ZNF117: variants seen among roughly 807,000 people sequenced by gnomAD.
ZNF117 encodes zinc finger protein 117, also known as Krueppel-related zinc finger protein.
ZNF117 carries 37 observed loss-of-function variants against 41.2 expected under a neutral mutation model. That is an observed-to-expected ratio of 0.90 (90% confidence interval 0.69 to 1.18). ZNF117 has a LOEUF of 1.18. Ranked by LOEUF, ZNF117 falls within the 50% of genes most tolerant of loss-of-function variation. ZNF117 has a pLI of 0.00. For missense variants in ZNF117, 546 were observed against 557.5 expected (o/e 0.98, Z 0.21); for synonymous variants, 186 against 186.6 (o/e 1.00, Z 0.02).
chr7:64,988,361 AT>A (rs1407334899), intron 1 of ZNF117, among the ~76,000 whole-genome samples: 6 of 152,228 alleles, frequency 3.9e-5, no homozygotes, highest in African/African-American at 1.4e-4. Context: ...AAACCACCAG[AT>A]TATCTCAATA....
exon 3 of ZNF117, chr7:64,975,237 TA>T (rs1785857145): frequency 6.6e-6 from 1 of 151,924 alleles, no homozygotes; most frequent in Admixed American, 6.6e-5. Flanking sequence ...AAAGTTTAAT[TA>T]AAAAATTAAG....
intron 2 of ZNF117, among the ~76,000 whole-genome samples, chr7:64,979,737 T>C (rs918026429): frequency 1.3e-5 from 2 of 151,892 alleles, no homozygotes; most frequent in African/African-American, 4.8e-5. Context: ...TATAAATGAG[T>C]TACGTGTGTG....
At chr7:64,976,656 C>T (rs909994646) in exon 3 of ZNF117, 7 of 255,010 alleles carry the variant, frequency 2.7e-5, no homozygotes, top group Admixed American at 1.1e-4. Context: ...CTGGGAGTTT[C>T]CTCCAGTATA....
intron 2 of ZNF117, 23 bp from the exon 4 acceptor site, chr7:64,979,559 ACTACT>A (rs1248329048): frequency 1.4e-6 from 2 of 1,444,530 alleles, no homozygotes; most frequent in Non-Finnish European, 1.8e-6. Context: ...AAAGTAACAA[ACTACT>A]TCACTTGCTC....
At chr7:64,984,607 G>C (rs997645421), upstream of ZNF117, among the ~76,000 whole-genome samples, 3 of 152,002 alleles carry the variant, frequency 2.0e-5, no homozygotes, top group South Asian at 6.2e-4. Flanking sequence ...GGATAAATTA[G>C]TAAGCATGTC....
intron 1 of ZNF117, among the ~76,000 whole-genome samples, chr7:64,989,098 A>T (rs1429833275): frequency 6.6e-6 from 1 of 151,614 alleles, no homozygotes; most frequent in Non-Finnish European, 1.5e-5. Context: ...CAACTATTTT[A>T]AAATTCATAT....
upstream of ZNF117, among the ~76,000 whole-genome samples, chr7:64,982,522 T>C (rs572965461): frequency 1.2e-4 from 19 of 152,324 alleles, no homozygotes; most frequent in South Asian, 6.2e-4. Context: ...AAACTTCAGA[T>C]CTCGTTAATG....
chr7:64,984,903 G>A (rs1412387815), upstream of ZNF117, among the ~76,000 whole-genome samples: 1 of 152,096 alleles, frequency 6.6e-6, no homozygotes, highest in Admixed American at 6.5e-5. Context: ...CGATTCACAT[G>A]CCTCAGCCTC....
In ZNF117 at chr7:64,977,635, A is replaced by T. The variant is rs538288880; in HGVS notation, c.*484T>A. 2.6e-5 allele frequency: 19 copies of T among 728,072 alleles called. 1 individual carries two copies. Among genetic ancestry groups the T allele is most frequent in the South Asian group, 2.4e-4 (18 of 75,228 alleles). 45.1% of individuals were successfully genotyped at this position (728,072 alleles called of 1,614,324 possible). On this transcript the variant is annotated 3_prime_UTR_variant, in exon 3 of 3. Transcript: ENST00000620222. ...GACACTTGGCTAAAAGCTTTGCCAC[A>T]TTCTTCACACTTGTAGGGTTTCTCT...
chr7:64,976,817 A>G (rs887391019), exon 3 of ZNF117: 1 of 394,092 alleles, frequency 2.5e-6, no homozygotes, highest in Non-Finnish European at 5.1e-6. Context: ...TCAGGTTTGT[A>G]AAGTTTCCAG....
chr7:64,981,290 T>C, intron 2 of ZNF117, 97 bp downstream of exon 3: 1 of 1,490,502 alleles, frequency 6.7e-7, no homozygotes, highest in Admixed American at 1.9e-5. Context: ...AACTATTTCC[T>C]TTGGAACACA....
At chr7:64,979,053 G>T (rs765043515) in exon 3 of ZNF117, 2 of 1,612,910 alleles carry the variant, frequency 1.2e-6, no homozygotes, top group African/African-American at 2.7e-5. Flanking sequence ...CTGGTTAAAG[G>T]CTTTGCCACA....
chr7:64,983,099 T>A (rs1220735583), upstream of ZNF117, among the ~76,000 whole-genome samples: 7 of 152,226 alleles, frequency 4.6e-5, no homozygotes, highest in Non-Finnish European at 1.0e-4. Context: ...CAGGTATCTA[T>A]CTCCTAATAA....
chr7:64,981,999 C>T (rs891305870), exon 1 of ZNF117: 1 of 680,630 alleles, frequency 1.5e-6, no homozygotes, highest in Non-Finnish European at 2.6e-6. Flanking sequence ...CCCAAGAAAA[C>T]CAGGTTTCTG....
exon 3 of ZNF117, chr7:64,978,623 T>A (rs757975999): frequency 6.2e-7 from 1 of 1,612,182 alleles, no homozygotes; most frequent in South Asian, 1.1e-5. Flanking sequence ...GATTTGAAAA[T>A]TGTTTAAAAG....
In ZNF117 at chr7:64,979,033, G is replaced by C. The variant is rs1785964712; in HGVS notation, c.538C>G (p.Leu180Val). The change falls in exon 3 of 3, where the codon CTT (leucine) becomes GTT (valine). Residue 180 changes from leucine (L) to valine (V), a missense_variant. Physicochemically the swap from Leu to Val is conservative, Grantham distance 32. Transcript: ENST00000620222. ...GTATGAATTCTCTTATGTCTAATAA[G>C]GTGTGAGGTCTGGTTAAAGGCTTTG... is the stretch of plus-strand genomic sequence containing the variant. 4.3e-6 allele frequency: 7 copies of C among 1,613,042 alleles called. No individual in the cohort carries two copies. In the South Asian group the frequency reaches 7.7e-5, roughly 18 times the overall value.
At chr7:64,973,192 TATC>T (rs1785808495), downstream of ZNF117, 1 of 151,946 alleles carries the variant, frequency 6.6e-6, no homozygotes, top group Non-Finnish European at 1.5e-5. Context: ...AAAAAAGAAA[TATC>T]ATTCCAAATA....
exon 3 of ZNF117, chr7:64,979,373 A>G (rs374303424): frequency 6.2e-7 from 1 of 1,606,920 alleles, no homozygotes; most frequent in South Asian, 1.1e-5. Context: ...TAAGTCCACT[A>G]TAATCTCCTT....
exon 3 of ZNF117, chr7:64,975,348 A>C (rs1445759929): frequency 1.3e-5 from 2 of 151,948 alleles, no homozygotes; most frequent in Non-Finnish European, 2.9e-5. Context: ...ATTTTAACTA[A>C]AATAAAAGAT....
Sources: allele counts gnomAD v4.1 joint callset (sites outside exome capture counted in the v4.1 genomes callset), GRCh38; gene constraint gnomAD v4.1.1; transcripts MANE v1.5; gene names NCBI Gene and HGNC (gene_info 2026-07-23, HGNC 2026-07-21).